PCOLCE2: variants seen among roughly 807,000 people sequenced by gnomAD.
The protein encoded by PCOLCE2 is procollagen C-proteinase enhancer 2.
PCOLCE2 carries 42 observed loss-of-function variants against 47.0 expected under a neutral mutation model. That is an observed-to-expected ratio of 0.89 (90% CI 0.70 to 1.16). The LOEUF (loss-of-function observed/expected upper bound fraction) is 1.16, where lower values mean the gene tolerates loss of function less well. PCOLCE2 is among the 50% of genes most tolerant of loss of function. PCOLCE2 has a pLI of 0.00. For missense variants in PCOLCE2, 500 were observed against 526.1 expected, an observed-to-expected ratio of 0.95 and a Z score of 0.49; for synonymous variants, 169 against 191.7, an observed-to-expected ratio of 0.88 and a Z score of 0.98.
intron 2 of PCOLCE2, among the ~76,000 whole-genome samples, chr3:142,851,044 G>A (rs1488940540): frequency 6.6e-6 from 1 of 152,148 alleles, no homozygotes; most frequent in African/African-American, 2.4e-5. Context: ...ATGACAGAAG[G>A]GAAGACAGAT....
chr3:142,875,528 T>C (rs1335943736), intron 2 of PCOLCE2, among the ~76,000 whole-genome samples: 1 of 152,158 alleles, frequency 6.6e-6, no homozygotes, highest in Non-Finnish European at 1.5e-5. Flanking sequence ...AGCCAAAAGG[T>C]AGAAGCACAC....
chr3:142,852,073 C>G (rs1035297758), intron 2 of PCOLCE2, among the ~76,000 whole-genome samples: 1 of 152,218 alleles, frequency 6.6e-6, no homozygotes, highest in African/African-American at 2.4e-5. Flanking sequence ...CCCGACAAAG[C>G]TTCTTTTGAA....
chr3:142,834,684 T>C (rs1937183643), intron 5 of PCOLCE2, among the ~76,000 whole-genome samples: 1 of 152,212 alleles, frequency 6.6e-6, no homozygotes, highest in African/African-American at 2.4e-5. Context: ...TTCCTGGTCA[T>C]AGAATTTTTT....
Position 142,873,292 on chromosome 3 carries a change from C to T in PCOLCE2, c.192+14377G>A, listed in dbSNP as rs949572444. Among the ~76,000 whole-genome samples the T allele has an allele frequency of 2.6e-5, 4 of 151,102 alleles. No individual in the cohort carries two copies. The East Asian group carries it at 7.8e-4, about 30-fold the overall frequency. ...CCTGTAATCCCAGCTATTCAGGAGGCTGAGGCAGGAAAATCACTTGAACCC... is the reference window on the plus strand; with the variant it reads ...CCTGTAATCCCAGCTATTCAGGAGGTTGAGGCAGGAAAATCACTTGAACCC... On this transcript the variant is annotated intron_variant, in intron 2 of 8. Coordinates refer to ENST00000295992, the MANE Select transcript of PCOLCE2 (RefSeq NM_013363.4).
At chr3:142,886,496 C>G (rs919371431) in intron 2 of PCOLCE2, among the ~76,000 whole-genome samples, 2 of 152,104 alleles carry the variant, frequency 1.3e-5, no homozygotes, top group Non-Finnish European at 1.5e-5. Context: ...GCCACATGTG[C>G]TATAATAACA....
intron 4 of PCOLCE2, among the ~76,000 whole-genome samples, chr3:142,839,225 A>C (rs1937238068): frequency 6.6e-6 from 1 of 152,246 alleles, no homozygotes; most frequent in Admixed American, 6.5e-5. Flanking sequence ...ACCTACTTTA[A>C]GACTATAATT....
intron 2 of PCOLCE2, among the ~76,000 whole-genome samples, chr3:142,884,211 G>A (rs1156785006): frequency 1.3e-5 from 2 of 152,176 alleles, no homozygotes; most frequent in South Asian, 4.1e-4. Flanking sequence ...AGGGGTCCAG[G>A]TGGTGGGATG....
At chr3:142,881,658 G>A (rs1933623812) in intron 2 of PCOLCE2, among the ~76,000 whole-genome samples, 2 of 152,116 alleles carry the variant, frequency 1.3e-5, no homozygotes, top group Admixed American at 1.3e-4. Flanking sequence ...TAAAACAATG[G>A]TAAATATTTG....
chr3:142,873,393 CAA>C (rs374190713), intron 2 of PCOLCE2, among the ~76,000 whole-genome samples: 25 of 81,576 alleles, frequency 3.1e-4, no homozygotes, highest in Admixed American at 4.3e-4. Flanking sequence ...AACTCCATCT[CAA>C]AAAAAAAAAA....
rs138990402 is a variant in PCOLCE2 at position 142,884,312 on chromosome 3, C to A, written c.192+3357G>T. 3.7e-3 allele frequency among the ~76,000 whole-genome samples: 564 copies of A among 152,232 alleles called. 6 individuals are homozygous for A. Among genetic ancestry groups the A allele is most frequent in the East Asian group, 0.029 (148 of 5,182 alleles). ...CTTAAATAAATTAGGGTGACTTATG[C>A]CTCACCCCAACCCTATTGTTCTTCC... On this transcript the variant is annotated intron_variant, in intron 2 of 8. Transcript: ENST00000295992.
chr3:142,850,433 C>T (rs1212771692), intron 2 of PCOLCE2, among the ~76,000 whole-genome samples: 1 of 152,096 alleles, frequency 6.6e-6, no homozygotes, highest in African/African-American at 2.4e-5. Flanking sequence ...AGGAAGAGGT[C>T]TAAGTATAGA....
chr3:142,834,010 C>G (rs1330105494), intron 5 of PCOLCE2, among the ~76,000 whole-genome samples: 1 of 152,052 alleles, frequency 6.6e-6, no homozygotes, highest in Non-Finnish European at 1.5e-5. Context: ...TTTCATTTTT[C>G]CATATGAATA....
intron 5 of PCOLCE2, among the ~76,000 whole-genome samples, chr3:142,830,927 T>C (rs765227232): frequency 1.3e-5 from 2 of 152,210 alleles, no homozygotes; most frequent in African/African-American, 2.4e-5. Context: ...GCAGCATTTT[T>C]TTCCCCCTAC....
chr3:142,873,375 T>C (rs186837574), intron 2 of PCOLCE2, among the ~76,000 whole-genome samples: 1,444 of 142,756 alleles, frequency 0.01, 26 homozygotes, highest in African/African-American at 0.036. Flanking sequence ...CCCGGGCAAC[T>C]AGAGTGAAAC....
Position 142,838,786 on chromosome 3 carries a change from C to A in PCOLCE2, c.694G>T (p.Gly232Cys). Reference protein sequence around the residue: ...NDARRIGKYCGDSPPAPIVSE... With the variant: ...NDARRIGKYCCDSPPAPIVSE... Reference sequence around the variant, plus strand: ...GCTACTTACGCAGGTGGACTATCACCACAATACTTTCCAATTCTTCTAGCA... The same window carrying A: ...GCTACTTACGCAGGTGGACTATCACAACAATACTTTCCAATTCTTCTAGCA... Residue 232 changes from glycine to cysteine, a missense_variant, in exon 5 of 9, where the codon GGT becomes TGT. By Grantham distance (159) the Gly-to-Cys change is radical. Transcript: ENST00000295992. 1.2e-6 allele frequency: 2 copies of A among 1,613,800 alleles called. No individual in the cohort carries two copies. The highest frequency in any genetic ancestry group is 1.7e-6 in the Non-Finnish European group (2 of 1,179,812).
intron 2 of PCOLCE2, among the ~76,000 whole-genome samples, chr3:142,873,127 T>A (rs751799553): frequency 2.6e-5 from 4 of 152,132 alleles, no homozygotes; most frequent in African/African-American, 4.8e-5. Flanking sequence ...GCGCAGTGGC[T>A]CACACCTGTT....
intron 2 of PCOLCE2, among the ~76,000 whole-genome samples, chr3:142,868,343 A>G (rs1933322931): frequency 6.6e-6 from 1 of 152,230 alleles, no homozygotes; most frequent in Admixed American, 6.5e-5. Context: ...GGCCAAGGGC[A>G]TTCCAAAGCT....
At chr3:142,873,986 A>G in intron 2 of PCOLCE2, among the ~76,000 whole-genome samples, 1 of 152,132 alleles carries the variant, frequency 6.6e-6, no homozygotes, top group Non-Finnish European at 1.5e-5. Context: ...TTGCAGGAGG[A>G]GCCTGGTGGG....
chr3:142,852,304 A>T lies in PCOLCE2; in HGVS notation c.193-3832T>A, dbSNP rs1932958827. 3.9e-5 allele frequency among the ~76,000 whole-genome samples: 6 copies of T among 152,326 alleles called. No individual in the cohort carries two copies. In the South Asian group the frequency reaches 1.2e-3, roughly 32 times the overall value. Reference sequence around the variant, plus strand: ...GCTTTGATAAGAGCTCCTGATTGTCATTATAAAGGACTTTAGAGAGCATAT... The same window carrying T: ...GCTTTGATAAGAGCTCCTGATTGTCTTTATAAAGGACTTTAGAGAGCATAT... On this transcript the variant is annotated intron_variant, in intron 2 of 8. Transcript: ENST00000295992.
Sources: gnomAD v4.1 joint callset for allele counts (sites outside exome capture counted in the v4.1 genomes callset) on GRCh38, gnomAD v4.1.1 for gene constraint, MANE v1.5 for transcripts, NCBI Gene and HGNC (gene_info 2026-07-23, HGNC 2026-07-21) for gene names.